Variants in WDPCP observed in about 807,000 individuals in gnomAD.
WDPCP encodes WD repeat containing planar cell polarity effector, also known as WD repeat-containing and planar cell polarity effector protein fritz homolog.
WDPCP carries 71 observed loss-of-function variants against 93.1 expected under a neutral mutation model. The observed-to-expected ratio is 0.76, with a 90% CI of 0.63 to 0.93. The LOEUF (loss-of-function observed/expected upper bound fraction) is 0.93, where lower values mean the gene tolerates loss of function less well. WDPCP is among the 40% of genes least tolerant of loss of function. The pLI, the probability that WDPCP is intolerant of heterozygous loss-of-function variation, is 0.00. For missense variants in WDPCP, 844 were observed against 887.4 expected, an observed-to-expected ratio of 0.95 and a Z score of 0.62; for synonymous variants, 315 against 315.0, an observed-to-expected ratio of 1.00 and a Z score of 0.00.
intron 6 of WDPCP, among the ~76,000 whole-genome samples, chr2:63,456,400 G>C (rs946586779): frequency 6.6e-6 from 1 of 151,886 alleles, no homozygotes; most frequent in Admixed American, 6.6e-5. Flanking sequence ...CTGGGCAACA[G>C]AGTGAGTGAG....
chr2:63,405,086 C>T (rs1245028107), intron 9 of WDPCP, among the ~76,000 whole-genome samples: 1 of 152,114 alleles, frequency 6.6e-6, no homozygotes, highest in Non-Finnish European at 1.5e-5. Flanking sequence ...CAAAGTTGGA[C>T]TTTAAATGAT....
intron 12 of WDPCP, among the ~76,000 whole-genome samples, chr2:63,339,123 AT>A (rs111586766): frequency 4.0e-5 from 6 of 150,518 alleles, no homozygotes; most frequent in African/African-American, 1.2e-4. Flanking sequence ...TAGGTACTTA[AT>A]TTTTTTTTGT....
At chr2:63,222,469 T>C (rs1677925008) in intron 14 of WDPCP, among the ~76,000 whole-genome samples, 1 of 152,228 alleles carries the variant, frequency 6.6e-6, no homozygotes, top group Non-Finnish European at 1.5e-5. Flanking sequence ...TTGTTTATCA[T>C]GTCAAGCACC....
At chr2:63,437,805 G>T in intron 7 of WDPCP, 1 of 1,531,726 alleles carries the variant, frequency 6.5e-7, no homozygotes, top group Non-Finnish European at 8.9e-7. Flanking sequence ...ACCACCAATG[G>T]ATGAGATGTA....
intron 1 of WDPCP, among the ~76,000 whole-genome samples, chr2:63,528,535 G>A (rs1703542636): frequency 6.6e-6 from 1 of 152,058 alleles, no homozygotes; most frequent in East Asian, 1.9e-4. Flanking sequence ...GTAGATGTGT[G>A]GTATTATTTC....
intron 1 of WDPCP, among the ~76,000 whole-genome samples, chr2:63,553,175 T>C (rs1445599536): frequency 6.6e-6 from 1 of 152,190 alleles, no homozygotes; most frequent in African/African-American, 2.4e-5. Context: ...CTTGATTTAA[T>C]TTTACGAGCT....
intron 1 of WDPCP, among the ~76,000 whole-genome samples, chr2:63,565,233 G>A (rs1038211140): frequency 3.3e-5 from 5 of 152,146 alleles, no homozygotes; most frequent in Non-Finnish European, 5.9e-5. Flanking sequence ...AAAGCTTGCA[G>A]GATATTGTTT....
chr2:63,374,085 T>G (rs1691640449), intron 12 of WDPCP, among the ~76,000 whole-genome samples: 1 of 151,642 alleles, frequency 6.6e-6, no homozygotes, highest in Non-Finnish European at 1.5e-5. Flanking sequence ...CATTCCTTTC[T>G]GCATCTCATG....
intron 2 of WDPCP, among the ~76,000 whole-genome samples, chr2:63,651,131 A>C (rs1710104470): frequency 6.6e-6 from 1 of 152,222 alleles, no homozygotes; most frequent in Non-Finnish European, 1.5e-5. Flanking sequence ...CCGACCGTGT[A>C]GAGCAGAGCC....
chr2:63,408,473 A>G (rs545480793), intron 9 of WDPCP, among the ~76,000 whole-genome samples: 1 of 152,274 alleles, frequency 6.6e-6, no homozygotes, highest in South Asian at 2.1e-4. Context: ...ACCTGATACC[A>G]TAGGGATCCA....
intron 14 of WDPCP, among the ~76,000 whole-genome samples, chr2:63,251,311 A>G (rs546403876): frequency 6.6e-6 from 1 of 152,256 alleles, no homozygotes; most frequent in Admixed American, 6.5e-5. Flanking sequence ...ACAGATATAC[A>G]AAAGATCCTT....
At chr2:63,333,650 C>T (rs531045916) in intron 12 of WDPCP, among the ~76,000 whole-genome samples, 72 of 152,260 alleles carry the variant, frequency 4.7e-4, no homozygotes, top group African/African-American at 1.6e-3. Flanking sequence ...ACCTATAGCC[C>T]GGAAGCCCCT....
intron 12 of WDPCP, among the ~76,000 whole-genome samples, chr2:63,371,230 T>C (rs1691354513): frequency 6.6e-6 from 1 of 152,152 alleles, no homozygotes; most frequent in Admixed American, 6.6e-5. Flanking sequence ...ATATTCTTTG[T>C]CCAATCTGTT....
intron 3 of WDPCP, among the ~76,000 whole-genome samples, chr2:63,631,186 CAGG>C (rs1285298023): frequency 6.6e-6 from 1 of 151,944 alleles, no homozygotes. Context: ...GAGGCTGAAG[CAGG>C]AGAATCACTT....
In WDPCP at chr2:63,266,668, C is replaced by T. The variant is rs192953682; in HGVS notation, c.1813-7259G>A. ...TAAAAATACAAAAATTAGCTGGGTGCGGTGGCAGGCGCCTGTAATCCCAGC... is the reference window on the plus strand; with the variant it reads ...TAAAAATACAAAAATTAGCTGGGTGTGGTGGCAGGCGCCTGTAATCCCAGC... On this transcript the variant is annotated intron_variant, in intron 13 of 17. Coordinates refer to ENST00000272321, the MANE Select transcript of WDPCP (RefSeq NM_015910.7). Among the ~76,000 whole-genome samples, 486 of 151,836 alleles carry T rather than the reference C, an allele frequency of 3.2e-3. 1 individual carries two copies. Among genetic ancestry groups the T allele is most frequent in the Non-Finnish European group, 5.4e-3 (366 of 67,870 alleles).
At chr2:63,429,496 C>A (rs564143165) in intron 9 of WDPCP, among the ~76,000 whole-genome samples, 1 of 151,922 alleles carries the variant, frequency 6.6e-6, no homozygotes, top group East Asian at 1.9e-4. Context: ...AATCAAGAAG[C>A]AAAAAACAAA....
intron 2 of WDPCP, among the ~76,000 whole-genome samples, chr2:63,708,613 C>T (rs991086535): frequency 7.9e-5 from 12 of 152,264 alleles, no homozygotes; most frequent in African/African-American, 1.9e-4. Flanking sequence ...GGGTCATGCA[C>T]GGTGCACTGC....
chr2:63,705,277 GT>G (rs1669130806), intron 2 of WDPCP, among the ~76,000 whole-genome samples: 2 of 152,114 alleles, frequency 1.3e-5, no homozygotes, highest in Admixed American at 6.5e-5. Context: ...TTTTTGAAGG[GT>G]TTTTTGTGTC....
chr2:63,163,612 T>G (rs1672777486), intron 15 of WDPCP, among the ~76,000 whole-genome samples: 1 of 152,232 alleles, frequency 6.6e-6, no homozygotes, highest in South Asian at 2.1e-4. Flanking sequence ...TAACAAGAAT[T>G]AAAAGACTGA....
Sources: allele counts gnomAD v4.1 joint callset (sites outside exome capture counted in the v4.1 genomes callset), GRCh38; gene constraint gnomAD v4.1.1; transcripts MANE v1.5; gene names NCBI Gene and HGNC (gene_info 2026-07-23, HGNC 2026-07-21).